The following LNX1 variants were observed in gnomAD, a reference collection of about 807,000 sequenced individuals.
The protein encoded by LNX1 is E3 ubiquitin-protein ligase LNX.
A neutral mutation model predicts 68.4 loss-of-function variants in LNX1; 54 were observed. The ratio of observed to expected loss-of-function variants is 0.79; its 90% CI spans 0.63 to 0.99. The LOEUF is 0.99. LNX1 is among the 50% of genes least tolerant of loss of function. The pLI, the probability that LNX1 is intolerant of heterozygous loss-of-function variation, is 0.00. For missense variants in LNX1, 906 were observed against 926.4 expected (o/e 0.98, Z 0.29); for synonymous variants, 336 against 350.0 (o/e 0.96, Z 0.45).
chr4:53,542,487 T>G (rs1430399127), intron 2 of LNX1, among the ~76,000 whole-genome samples: 1 of 152,148 alleles, frequency 6.6e-6, no homozygotes, highest in Non-Finnish European at 1.5e-5. Flanking sequence ...AAGAGTGTCC[T>G]AACAATCACC....
intron 2 of LNX1, among the ~76,000 whole-genome samples, chr4:53,547,438 C>T (rs905233036): frequency 6.6e-6 from 1 of 152,122 alleles, no homozygotes; most frequent in African/African-American, 2.4e-5. Context: ...CCCAAGTTTG[C>T]CCAGCTAGAG....
chr4:53,574,541 A>G (rs1441550165), intron 1 of LNX1, among the ~76,000 whole-genome samples: 1 of 152,210 alleles, frequency 6.6e-6, no homozygotes, highest in African/African-American at 2.4e-5. Context: ...GTAGGAGATC[A>G]GAGCTTTCAA....
intron 9 of LNX1, among the ~76,000 whole-genome samples, chr4:53,468,678 G>A (rs1189230017): frequency 6.6e-6 from 1 of 152,144 alleles, no homozygotes; most frequent in East Asian, 1.9e-4. Context: ...AAAAAAGACA[G>A]GGGTTGCAAT....
At chr4:53,494,714 G>A (rs1164748733) in intron 6 of LNX1, among the ~76,000 whole-genome samples, 1 of 152,200 alleles carries the variant, frequency 6.6e-6, no homozygotes, top group Non-Finnish European at 1.5e-5. Flanking sequence ...TCCAATTTCT[G>A]CATCTAACCC....
At chr4:53,612,305 A>G (rs1733526678) in intron 2 of LNX1, among the ~76,000 whole-genome samples, 1 of 152,224 alleles carries the variant, frequency 6.6e-6, no homozygotes, top group Non-Finnish European at 1.5e-5. Context: ...CTCTTGCAGG[A>G]GCAGCATGGC....
chr4:53,518,251 T>C (rs1401910008), intron 2 of LNX1, among the ~76,000 whole-genome samples: 3 of 152,142 alleles, frequency 2.0e-5, no homozygotes, highest in Admixed American at 6.5e-5. Context: ...TGACTTGGTT[T>C]ACCAAAGATG....
At chr4:53,593,001 A>C (rs1041092083), upstream of LNX1, 5 of 152,276 alleles carry the variant, frequency 3.3e-5, no homozygotes, top group Non-Finnish European at 7.3e-5. Context: ...GTGCCTTTTG[A>C]GAGTTGAAGG....
chr4:53,566,598 C>G (rs1165858567), intron 2 of LNX1, among the ~76,000 whole-genome samples: 7 of 151,640 alleles, frequency 4.6e-5, no homozygotes, highest in Middle Eastern at 3.4e-3. Flanking sequence ...AACTAACGAG[C>G]AAAATAACCA....
intron 2 of LNX1, among the ~76,000 whole-genome samples, chr4:53,536,527 G>A (rs1364348236): frequency 6.6e-6 from 1 of 152,138 alleles, no homozygotes; most frequent in Admixed American, 6.5e-5. Flanking sequence ...TTCTACAAAA[G>A]CACATTACAA....
intron 2 of LNX1, among the ~76,000 whole-genome samples, chr4:53,607,384 C>A (rs1329552534): frequency 3.9e-5 from 6 of 152,050 alleles, no homozygotes. Context: ...AGATAAAATA[C>A]CTAGGAATAT....
At chr4:53,519,607 G>T (rs1727053882) in intron 2 of LNX1, among the ~76,000 whole-genome samples, 1 of 151,980 alleles carries the variant, frequency 6.6e-6, no homozygotes, top group African/African-American at 2.4e-5. Context: ...AGCTGAAAGA[G>T]TAGCTCTGTC....
At chr4:53,641,473 A>G (rs1734679659) in intron 1 of LNX1, among the ~76,000 whole-genome samples, 1 of 152,240 alleles carries the variant, frequency 6.6e-6, no homozygotes, top group South Asian at 2.1e-4. Flanking sequence ...GTGCTCAGCC[A>G]AAGACGAGAG....
Position 53,573,606 on chromosome 4 carries a change from G to A in LNX1, c.380+17C>T, listed in dbSNP as rs769751252. On this transcript the variant is annotated intron_variant, in intron 2 of 10. Coordinates refer to ENST00000263925, the MANE Select transcript of LNX1 (RefSeq NM_001126328.3). ...GCTTGGGGGTGGGACTTACCGGCTC[G>A]CTGATGGGGGACCTACCTGGTTTGA... 43 of 1,580,660 alleles carry A rather than the reference G, an allele frequency of 2.7e-5. No homozygotes were observed. The highest frequency in any genetic ancestry group is 3.4e-4 in the Middle Eastern group (2 of 5,960).
At chr4:53,596,060 A>G (rs1232997393), upstream of LNX1, among the ~76,000 whole-genome samples, 1 of 152,184 alleles carries the variant, frequency 6.6e-6, no homozygotes, top group African/African-American at 2.4e-5. Context: ...GGCCGTAATT[A>G]CTTTTTTAAA....
intron 2 of LNX1, among the ~76,000 whole-genome samples, chr4:53,556,126 G>A (rs1729893990): frequency 6.6e-6 from 1 of 152,174 alleles, no homozygotes; most frequent in African/African-American, 2.4e-5. Flanking sequence ...GAGTATCCAA[G>A]TAGGCCCTAA....
chr4:53,488,988 A>G (rs1375052040), intron 6 of LNX1, among the ~76,000 whole-genome samples: 4 of 152,182 alleles, frequency 2.6e-5, no homozygotes, highest in African/African-American at 9.7e-5. Flanking sequence ...GGCTCCAGAA[A>G]TATAACTCTA....
chr4:53,639,857 C>T (rs1734611467), intron 1 of LNX1, among the ~76,000 whole-genome samples: 1 of 152,064 alleles, frequency 6.6e-6, no homozygotes, highest in African/African-American at 2.4e-5. Flanking sequence ...CATGGTGAAA[C>T]CCTGTCTCTA....
Position 53,459,386 on chromosome 4 carries a change from A to G in LNX1, c.*1521T>C, listed in dbSNP as rs148264857. ...AAAAATCTAAAAGAAGCAAAGAAGG[A>G]AAAGAAGCGGGCAGTGAGCCTGCCC... On this transcript the variant is annotated 3_prime_UTR_variant, in exon 11 of 11. Coordinates refer to ENST00000263925, the MANE Select transcript of LNX1 (RefSeq NM_001126328.3). 1.9e-6 allele frequency: 3 copies of G among 1,613,136 alleles called. No homozygotes were observed. The South Asian group carries it at 3.3e-5, about 18-fold the overall frequency.
chr4:53,472,692 A>C (rs1443880407), intron 9 of LNX1, among the ~76,000 whole-genome samples: 1 of 138,900 alleles, frequency 7.2e-6, no homozygotes, highest in Non-Finnish European at 1.6e-5. Flanking sequence ...CAACAAAAAA[A>C]AAAAAAACAA....
Sources: gnomAD v4.1 joint callset for allele counts (sites outside exome capture counted in the v4.1 genomes callset) on GRCh38, gnomAD v4.1.1 for gene constraint, MANE v1.5 for transcripts, NCBI Gene and HGNC (gene_info 2026-07-23, HGNC 2026-07-21) for gene names.